The following RECQL variants were observed in gnomAD, a reference collection of about 807,000 sequenced individuals.
RECQL encodes RecQ like helicase, also known as ATP-dependent DNA helicase Q1.
In RECQL, 73 loss-of-function variants were observed where a neutral mutation model predicts 75.8. That is an observed-to-expected ratio of 0.96 (90% CI 0.80 to 1.17). RECQL has a LOEUF of 1.17. Ranked by LOEUF, RECQL falls within the 50% of genes most tolerant of loss-of-function variation. RECQL has a pLI of 0.00. For synonymous variants in RECQL, 248 were observed against 254.4 expected (o/e 0.97, Z 0.24); for missense variants, 699 against 772.1 (o/e 0.91, Z 1.12).
chr12:21,479,351 T>C (rs1267877278), intron 6 of RECQL, among the ~76,000 whole-genome samples: 1 of 16,632 alleles, frequency 6.0e-5, no homozygotes, highest in Non-Finnish European at 2.5e-4. Flanking sequence ...CATCATGTAA[T>C]TTTTTTTTTT....
chr12:21,491,435 G>A, intron 3 of RECQL, 84 bp downstream of exon 3: 2 of 1,325,202 alleles, frequency 1.5e-6, no homozygotes, highest in Non-Finnish European at 1.0e-6. Context: ...CTACTGGAAA[G>A]CACTGTCCCA....
At chr12:21,484,163 C>T (rs1002575102) in intron 5 of RECQL, among the ~76,000 whole-genome samples, 4 of 151,962 alleles carry the variant, frequency 2.6e-5, no homozygotes, top group Non-Finnish European at 4.4e-5. Context: ...CAATTCTATA[C>T]AATACTTAGC....
intron 8 of RECQL, among the ~76,000 whole-genome samples, chr12:21,476,083 C>T (rs1474820666): frequency 6.6e-6 from 1 of 152,016 alleles, no homozygotes; most frequent in Non-Finnish European, 1.5e-5. Context: ...CTTTATCTCC[C>T]ACTAAACAGT....
chr12:21,474,801 G>T (rs372776980), intron 11 of RECQL, 40 bp downstream of exon 11: 7 of 1,575,304 alleles, frequency 4.4e-6, no homozygotes, highest in Admixed American at 1.7e-5. Flanking sequence ...TTTCATATTT[G>T]CTTTAATTGA....
rs963024528 is a variant in RECQL at position 21,469,390 on chromosome 12, G to C, written c.*804C>G. On this transcript the variant is annotated 3_prime_UTR_variant, in exon 15 of 15. Transcript: ENST00000444129. ...TTTCTTGCAATTTTTTTTTTTTTAAGCTCATCAGCTATCGTCAGTGTTAGC... is the reference window on the plus strand; with the variant it reads ...TTTCTTGCAATTTTTTTTTTTTTAACCTCATCAGCTATCGTCAGTGTTAGC... The C allele has an allele frequency of 6.7e-6, 1 of 149,778 alleles. No individual in the cohort carries two copies. Among genetic ancestry groups the C allele is most frequent in the Non-Finnish European group, 1.5e-5 (1 of 67,642 alleles). The allele number at this position is 149,778 out of a possible 1,614,324, so 9.3% of individuals were successfully genotyped here.
rs1437253055 is a variant in RECQL at position 21,469,340 on chromosome 12, G to A, written c.*854C>T. The A allele has an allele frequency of 1.3e-5, 2 of 151,690 alleles. No homozygotes were observed. Among genetic ancestry groups the A allele is most frequent in the Admixed American group, 1.3e-4 (2 of 15,218 alleles). The allele number at this position is 151,690 out of a possible 1,614,324, so 9.4% of individuals were successfully genotyped here. ...TTTGAATGCAGCCCAACACAAATCT[G>A]TAAACTTTCTTAAAACATGAGATTT... On this transcript the variant is annotated 3_prime_UTR_variant, in exon 15 of 15. Coordinates refer to ENST00000444129, the MANE Select transcript of RECQL (RefSeq NM_002907.4).
At chr12:21,492,418 C>A (rs945552457) in intron 2 of RECQL, among the ~76,000 whole-genome samples, 3 of 152,176 alleles carry the variant, frequency 2.0e-5, no homozygotes, top group African/African-American at 7.2e-5. Context: ...TAAAGATGTT[C>A]TTGGTGCATT....
intron 2 of RECQL, among the ~76,000 whole-genome samples, chr12:21,493,960 CGTATCCGAGGCTGG>C (rs1943458369): frequency 6.6e-6 from 1 of 152,142 alleles, no homozygotes; most frequent in South Asian, 2.1e-4. Flanking sequence ...GATATAAAGG[CGTATCCGAGGCTGG>C]GTAATTTATA....
At position 21,474,835 on chromosome 12, in the gene RECQL, G is replaced by T. The variant is rs200873711; in HGVS notation, c.1355+6C>A. ...GATAAAAGTTATAAAAAGGTATGTG[G>T]CTTACTTGCTTATGTTTTGACAGTA... On this transcript the variant is annotated splice_donor_region_variant and intron_variant, in intron 11 of 14. Transcript: ENST00000444129. 1.9e-6 allele frequency: 3 copies of T among 1,611,172 alleles called. No individual in the cohort carries two copies. The highest frequency in any genetic ancestry group is 2.5e-6 in the Non-Finnish European group (3 of 1,177,934).
At chr12:21,489,695 A>G (rs1943371630) in intron 4 of RECQL, among the ~76,000 whole-genome samples, 1 of 152,162 alleles carries the variant, frequency 6.6e-6, no homozygotes, top group Admixed American at 6.5e-5. Flanking sequence ...TGCCCCTTGT[A>G]TCTTCTGTTC....
At chr12:21,499,075 T>C (rs767022648) in intron 2 of RECQL, among the ~76,000 whole-genome samples, 1 of 152,070 alleles carries the variant, frequency 6.6e-6, no homozygotes, top group Admixed American at 6.6e-5. Context: ...GGGGAAGGGG[T>C]CAGTGTATAC....
rs778605168 is a variant in RECQL at position 21,491,661 on chromosome 12, T to C, written c.72A>G (p.Gln24=). 3.1e-6 allele frequency: 5 copies of C among 1,613,894 alleles called. No homozygotes were observed. In the African/African-American group the frequency reaches 4.0e-5, roughly 13 times the overall value. Residue 24 remains glutamine, a synonymous_variant, in exon 3 of 15, where the codon CAA becomes CAG. Transcript: ENST00000444129. ...ITSELHAVEI[Q]IQELTERQQE... The stretch of plus-strand genomic sequence containing the variant: ...GTTGCCTTTCCGTAAGTTCTTGAAT[T>C]TGAATTTCTACTGCATGTAGCTCAC...
At position 21,475,734 on chromosome 12, in the gene RECQL, T is replaced by C. The variant is rs148384368; in HGVS notation, c.1040A>G (p.Asn347Ser). The change falls in exon 9 of 15, where the codon AAT becomes AGT. Residue 347 changes from asparagine (N) to serine (S), a missense_variant. Asn to Ser is a conservative substitution (Grantham distance 46, BLOSUM62 1). Around this residue, in one of 2 missense-constraint regions of RECQL, gnomAD observed 669 missense variants for 713.5 expected, o/e 0.94. Transcript: ENST00000444129. ...TGTGGTCTTATCTTCTGGCTCCAAA[T>C]TGGCATGGTAAGCACCTGCATGAAT... is the stretch of plus-strand genomic sequence containing the variant. Reference protein sequence around the residue: ...LGIHAGAYHANLEPEDKTTVH... With the variant: ...LGIHAGAYHASLEPEDKTTVH... 6 of 1,613,434 alleles carry C rather than the reference T, an allele frequency of 3.7e-6. No homozygotes were observed. Among genetic ancestry groups the C allele is most frequent in the African/African-American group, 2.7e-5 (2 of 74,912 alleles).
chr12:21,472,248 A>G (rs1235182549), intron 12 of RECQL, among the ~76,000 whole-genome samples: 2 of 152,080 alleles, frequency 1.3e-5, no homozygotes, highest in African/African-American at 4.8e-5. Context: ...CGGATGAAAA[A>G]AAGTTAAAAT....
intron 2 of RECQL, among the ~76,000 whole-genome samples, chr12:21,495,910 G>A (rs1943499090): frequency 6.6e-6 from 1 of 152,174 alleles, no homozygotes; most frequent in Non-Finnish European, 1.5e-5. Context: ...TCTGCTGTGT[G>A]GTTATTTCCT....
At chr12:21,489,679 T>G (rs117953992) in intron 4 of RECQL, among the ~76,000 whole-genome samples, 4,551 of 152,260 alleles carry the variant, frequency 0.03, 96 homozygotes, top group Middle Eastern at 0.058. Context: ...CATTTTTGGG[T>G]TTTTTTGCCC....
chr12:21,469,163 T>C lies in RECQL; in HGVS notation c.*1031A>G, dbSNP rs188530688. The stretch of plus-strand genomic sequence containing the variant: ...AACTTTAAAATCGGTTGTATTTTAC[T>C]TTAAATAGAGATGTAGCAATATCTC... On this transcript the variant is annotated 3_prime_UTR_variant, in exon 15 of 15. Coordinates refer to ENST00000444129, the MANE Select transcript of RECQL (RefSeq NM_002907.4). 6.0e-6 allele frequency: 1 copy of C among 167,836 alleles called. No individual in the cohort carries two copies. The highest frequency in any genetic ancestry group is 5.9e-5 in the Admixed American group (1 of 16,978). 10.4% of individuals were successfully genotyped at this position (167,836 alleles called of 1,614,324 possible).
At chr12:21,479,975 T>C (rs1386605614) in intron 6 of RECQL, among the ~76,000 whole-genome samples, 1 of 152,186 alleles carries the variant, frequency 6.6e-6, no homozygotes, top group African/African-American at 2.4e-5. Flanking sequence ...AGCATTTCCC[T>C]AGGCACTGAA....
intron 6 of RECQL, 43 bp downstream of exon 6, chr12:21,483,333 C>A (rs1180887879): frequency 7.7e-7 from 1 of 1,303,114 alleles, no homozygotes; most frequent in Non-Finnish European, 1.1e-6. Flanking sequence ...AGTAAGGACA[C>A]GGTCTATGAC....
Sources: gnomAD v4.1 joint callset for allele counts (sites outside exome capture counted in the v4.1 genomes callset) on GRCh38, gnomAD v4.1.1 for gene constraint, gnomAD v4.1.1 regional missense constraint, MANE v1.5 for transcripts, NCBI Gene and HGNC (gene_info 2026-07-23, HGNC 2026-07-21) for gene names.